The following PRKG1 variants were observed in gnomAD, a reference collection of about 807,000 sequenced individuals.
PRKG1 encodes the protein protein kinase cGMP-dependent 1.
Under a neutral mutation model 88.1 loss-of-function variants are expected in PRKG1, and 35 were observed. The ratio of observed to expected loss-of-function variants is 0.40; its 90% confidence interval spans 0.30 to 0.53. The LOEUF is 0.53. Among genes scored for constraint, PRKG1 ranks in the 20% least tolerant of loss-of-function variants. The pLI, the probability that PRKG1 is intolerant of heterozygous loss-of-function variation, is 0.59. For missense variants in PRKG1, 540 were observed against 839.8 expected, an observed-to-expected ratio of 0.64 and a Z score of 4.41; for synonymous variants, 303 against 292.5, an observed-to-expected ratio of 1.04 and a Z score of -0.37.
At chr10:51,803,820 C>A (rs183728979) in intron 3 of PRKG1, among the ~76,000 whole-genome samples, 1 of 152,098 alleles carries the variant, frequency 6.6e-6, no homozygotes, top group Non-Finnish European at 1.5e-5. Flanking sequence ...TATGCCATCA[C>A]ACCAATGTAA....
At chr10:51,986,019 GGTATTT>G (rs1844148336) in intron 5 of PRKG1, among the ~76,000 whole-genome samples, 4 of 152,066 alleles carry the variant, frequency 2.6e-5, no homozygotes, top group African/African-American at 7.2e-5. Flanking sequence ...TACACTATAG[GGTATTT>G]GTCATTTACC....
intron 5 of PRKG1, among the ~76,000 whole-genome samples, chr10:52,018,100 C>T (rs1845090058): frequency 6.6e-6 from 1 of 152,058 alleles, no homozygotes; most frequent in South Asian, 2.1e-4. Flanking sequence ...TCAGGGGTGA[C>T]TTACAGCATG....
intron 10 of PRKG1, among the ~76,000 whole-genome samples, chr10:52,262,254 A>G (rs1841450181): frequency 6.6e-6 from 1 of 151,586 alleles, no homozygotes. Flanking sequence ...CTATAATATG[A>G]AGCTGGTTTT....
intron 4 of PRKG1, among the ~76,000 whole-genome samples, chr10:51,810,251 T>A (rs939649074): frequency 5.9e-5 from 9 of 152,212 alleles, no homozygotes; most frequent in African/African-American, 2.2e-4. Flanking sequence ...CCACCTGACT[T>A]TCCAACTGTT....
chr10:52,259,276 AT>A (rs2132412855), intron 10 of PRKG1, among the ~76,000 whole-genome samples: 1 of 152,154 alleles, frequency 6.6e-6, no homozygotes, highest in East Asian at 1.9e-4. Context: ...AGACATCATA[AT>A]TTCTCTTCTG....
chr10:51,046,719 C>A (rs1034743116), intron 1 of PRKG1, among the ~76,000 whole-genome samples: 1 of 152,144 alleles, frequency 6.6e-6, no homozygotes, highest in Non-Finnish European at 1.5e-5. Context: ...TCAGTCAAAA[C>A]CCATGGGTGG....
At chr10:51,732,523 G>C (rs145751883) in intron 3 of PRKG1, among the ~76,000 whole-genome samples, 7 of 152,130 alleles carry the variant, frequency 4.6e-5, no homozygotes, top group Non-Finnish European at 7.3e-5. Flanking sequence ...GAGCAAGAAC[G>C]GTGAGATTCA....
intron 12 of PRKG1, among the ~76,000 whole-genome samples, chr10:52,277,454 G>A (rs1200547628): frequency 6.6e-6 from 1 of 152,144 alleles, no homozygotes; most frequent in East Asian, 1.9e-4. Context: ...CAATCATAGT[G>A]GCTACTATTA....
intron 3 of PRKG1, among the ~76,000 whole-genome samples, chr10:51,706,732 T>C (rs1841614284): frequency 6.6e-6 from 1 of 152,122 alleles, no homozygotes; most frequent in Non-Finnish European, 1.5e-5. Flanking sequence ...TTAGATTGGC[T>C]ACCTAGTTCA....
At chr10:51,449,975 A>G (rs1839387830) in intron 2 of PRKG1, among the ~76,000 whole-genome samples, 1 of 151,976 alleles carries the variant, frequency 6.6e-6, no homozygotes, top group African/African-American at 2.4e-5. Flanking sequence ...ACAGAAAAAG[A>G]GCTATGGGCA....
At chr10:51,048,697 C>T (rs1422273529) in intron 1 of PRKG1, among the ~76,000 whole-genome samples, 3 of 152,136 alleles carry the variant, frequency 2.0e-5, no homozygotes, top group African/African-American at 4.8e-5. Context: ...CATAAGTCAA[C>T]GCTTGCAAAT....
At chr10:51,661,861 A>T (rs1029658286) in intron 3 of PRKG1, among the ~76,000 whole-genome samples, 2 of 152,206 alleles carry the variant, frequency 1.3e-5, no homozygotes, top group Non-Finnish European at 2.9e-5. Context: ...TGGATTAAGA[A>T]AATGTGGCAC....
chr10:51,572,249 G>A (rs1449729378), intron 3 of PRKG1, among the ~76,000 whole-genome samples: 7 of 151,720 alleles, frequency 4.6e-5, no homozygotes, highest in African/African-American at 7.3e-5. Context: ...CATACACTGT[G>A]CCATGTGATA....
chr10:51,420,799 A>G (rs1474202038), intron 2 of PRKG1, among the ~76,000 whole-genome samples: 2 of 152,160 alleles, frequency 1.3e-5, no homozygotes, highest in African/African-American at 2.4e-5. Flanking sequence ...AGCATAGTGC[A>G]AGCATTTGCT....
chr10:51,082,823 G>A (rs1382640689), intron 1 of PRKG1, among the ~76,000 whole-genome samples: 1 of 151,826 alleles, frequency 6.6e-6, no homozygotes, highest in Admixed American at 6.6e-5. Flanking sequence ...TCCCTACCTA[G>A]CCCATTGGTT....
At chr10:51,699,664 TA>T in intron 3 of PRKG1, 2 of 1,220,978 alleles carry the variant, frequency 1.6e-6, no homozygotes, top group Non-Finnish European at 1.1e-6. Context: ...GAAACTTTAC[TA>T]ATTCGCTTGA....
At chr10:51,743,765 T>TATATATATATA (rs1837508225) in intron 3 of PRKG1, among the ~76,000 whole-genome samples, 2 of 132,912 alleles carry the variant, frequency 1.5e-5, no homozygotes, top group South Asian at 2.3e-4. Flanking sequence ...TATATATATA[T>TATATATATATA]TTAGTTGCCT....
chr10:51,808,711 T>TC lies in PRKG1; in HGVS notation c.698+4022dup, dbSNP rs566388049. Among the ~76,000 whole-genome samples, 335 of 152,318 alleles carry TC rather than the reference T, an allele frequency of 2.2e-3. 1 individual carries two copies. Among genetic ancestry groups the TC allele is most frequent in the African/African-American group, 7.6e-3 (317 of 41,572 alleles). On this transcript the variant is annotated intron_variant, in intron 4 of 17. Coordinates refer to ENST00000373980, the MANE Select transcript of PRKG1 (RefSeq NM_006258.4). The stretch of plus-strand genomic sequence containing the variant: ...CAGTCTGTGAAGAGGGGGATGTTTT[T>TC]CTCTATGTGTTTGCTAAATAAAACT...
At chr10:51,918,298 G>A (rs1842388280) in intron 5 of PRKG1, among the ~76,000 whole-genome samples, 1 of 151,652 alleles carries the variant, frequency 6.6e-6, no homozygotes, top group Non-Finnish European at 1.5e-5. Context: ...CTTTTAAATA[G>A]GTTGTACTTC....
Sources: gnomAD v4.1 joint callset for allele counts (sites outside exome capture counted in the v4.1 genomes callset) on GRCh38, gnomAD v4.1.1 for gene constraint, MANE v1.5 for transcripts, NCBI Gene and HGNC (gene_info 2026-07-23, HGNC 2026-07-21) for gene names.